UBN1: variants seen among roughly 807,000 people sequenced by gnomAD.
UBN1 encodes the protein ubinuclein 1, also known as ubinuclein-1.
A neutral mutation model predicts 108.5 loss-of-function variants in UBN1; 17 were observed. The ratio of observed to expected loss-of-function variants is 0.16; its 90% CI spans 0.11 to 0.24. The LOEUF is 0.24. Among genes scored for constraint, UBN1 ranks in the 10% least tolerant of loss-of-function variants. UBN1 has a pLI of 1.00. For missense variants in UBN1, 1,595 were observed against 1,394.4 expected (o/e 1.14, Z -2.29); for synonymous variants, 726 against 564.2 (o/e 1.29, Z -4.07).
In UBN1 at chr16:4,870,930, T is replaced by C. The variant is rs758074228; in HGVS notation, c.1517T>C (p.Ile506Thr). Reference sequence around the variant, plus strand: ...GATGAAGAAAAAGGGGGCAGGAGGATAATGGGACCTCGGAAGAAGTTCCAA... The same window carrying C: ...GATGAAGAAAAAGGGGGCAGGAGGACAATGGGACCTCGGAAGAAGTTCCAA... The part of the protein sequence containing the change: ...EEDEEKGGRR[I>T]MGPRKKFQWN... The change falls in exon 11 of 18, where the codon ATA becomes ACA. Residue 506 changes from isoleucine (I) to threonine (T), a missense_variant. Physicochemically the swap from Ile to Thr is moderately conservative, Grantham distance 89. Around this residue, in one of 3 missense-constraint regions of UBN1, gnomAD observed 1,398 missense variants for 1,194.7 expected, o/e 1.17. Transcript: ENST00000262376. 10 of 1,613,968 alleles carry C rather than the reference T, an allele frequency of 6.2e-6. No homozygotes were observed. Among genetic ancestry groups the C allele is most frequent in the East Asian group, 4.5e-5 (2 of 44,882 alleles).
chr16:4,870,037 G>A (rs752656147), intron 8 of UBN1, among the ~76,000 whole-genome samples, 175 bp from the exon 9 acceptor site: 1 of 152,204 alleles, frequency 6.6e-6, no homozygotes, highest in Non-Finnish European at 1.5e-5. Context: ...GGGAGTTGTT[G>A]TTGTTTGTTG....
chr16:4,850,630 T>A (rs2086514205), intron 1 of UBN1, among the ~76,000 whole-genome samples: 3 of 152,242 alleles, frequency 2.0e-5, no homozygotes. Context: ...GCCAGCCTGT[T>A]ACACTGCTAA....
At chr16:4,863,853 G>A (rs998479390) in intron 7 of UBN1, among the ~76,000 whole-genome samples, 1 of 152,122 alleles carries the variant, frequency 6.6e-6, no homozygotes, top group South Asian at 2.1e-4. Context: ...AGGGCTTGGT[G>A]GTCTCAGGGC....
chr16:4,876,020 G>A (rs1334330622), intron 15 of UBN1, among the ~76,000 whole-genome samples: 2 of 150,338 alleles, frequency 1.3e-5, no homozygotes, highest in Admixed American at 6.6e-5. Flanking sequence ...GTGCAGTGGC[G>A]CTATCTCGGC....
intron 7 of UBN1, among the ~76,000 whole-genome samples, chr16:4,861,533 A>G (rs2087063563): frequency 6.6e-6 from 1 of 152,250 alleles, no homozygotes; most frequent in Admixed American, 6.5e-5. Context: ...CGTTGCCACT[A>G]GGTTTCAGTC....
Position 4,847,510 on chromosome 16 carries a change from C to T in UBN1, c.-740C>T, listed in dbSNP as rs2080051061. On this transcript the variant is annotated 5_prime_UTR_variant, in exon 1 of 18. Coordinates refer to ENST00000262376, the MANE Select transcript of UBN1 (RefSeq NM_001079514.3). ...CCTTCCCCCTCCCTTCGGCTCGTGA[C>T]AACGAAGCGCCCGCGGTCTGAGGCG... The T allele has an allele frequency of 5.8e-6, 3 of 520,822 alleles. No individual in the cohort carries two copies. The highest frequency in any genetic ancestry group is 9.9e-6 in the Non-Finnish European group (3 of 303,818). 32.3% of individuals were successfully genotyped at this position (520,822 alleles called of 1,614,324 possible). A position where few individuals can be genotyped will look rare whatever the true frequency, so the allele number is the denominator to read the frequency against.
rs1491221068 is a variant in UBN1 at position 4,877,797 on chromosome 16, TTA to T, written c.3355+324_3355+325del. On this transcript the variant is annotated intron_variant, in intron 17 of 17. Coordinates refer to ENST00000262376, the MANE Select transcript of UBN1 (RefSeq NM_001079514.3). The surrounding 1 kb of genome is among the most constrained non-coding windows in gnomAD (Gnocchi z 4.3). ...CTCGGCTTGTTTTTTTCTCTTCAGT[TTA>T]AAAAAAAAAAAAAAGGGAAGGTAAT... 289 of 1,010,644 alleles carry T rather than the reference TTA, an allele frequency of 2.9e-4. No individual in the cohort carries two copies. The highest frequency in any genetic ancestry group is 9.2e-4 in the Middle Eastern group (2 of 2,170). The allele number at this position is 1,010,644 out of a possible 1,614,324, so 62.6% of individuals were successfully genotyped here.
chr16:4,876,801 T>G, intron 15 of UBN1, 70 bp from the exon 16 acceptor site: 1 of 1,520,464 alleles, frequency 6.6e-7, no homozygotes, highest in African/African-American at 1.4e-5. Flanking sequence ...TCCTTTGTGT[T>G]GCCAGGTTTG....
intron 2 of UBN1, among the ~76,000 whole-genome samples, chr16:4,853,493 G>A (rs1298866506): frequency 6.6e-6 from 1 of 151,418 alleles, no homozygotes; most frequent in Non-Finnish European, 1.5e-5. Flanking sequence ...TCTTCCAACA[G>A]AATCTTGCTG....
chr16:4,858,820 C>A, intron 4 of UBN1, 157 bp downstream of exon 4: 1 of 942,872 alleles, frequency 1.1e-6, no homozygotes. Flanking sequence ...ATTCTTTATC[C>A]GGGTCTTAGT....
chr16:4,852,887 C>T lies in UBN1; in HGVS notation c.-31C>T. The T allele has an allele frequency of 6.3e-7, 1 of 1,594,962 alleles. No individual in the cohort carries two copies. The highest frequency in any genetic ancestry group is 8.6e-7 in the Non-Finnish European group (1 of 1,168,248). ...CTTTTCAATGTTAACAGAAGCCATG[C>T]AGTGACACCCGCTAAGACTTGTTGG... On this transcript the variant is annotated 5_prime_UTR_variant, in exon 2 of 18. An upstream open reading frame in the 5' UTR gains an earlier in-frame stop. Transcript: ENST00000262376.
intron 4 of UBN1, 23 bp downstream of exon 4, chr16:4,858,686 G>A (rs941675662): frequency 3.1e-6 from 5 of 1,609,368 alleles, no homozygotes; most frequent in East Asian, 2.2e-5. Context: ...TGAAAATGCC[G>A]TGTCAGACCC....
rs1449168312 is a variant in UBN1 at position 4,877,667 on chromosome 16, C to G, written c.3355+193C>G. 42 of 1,286,424 alleles carry G rather than the reference C, an allele frequency of 3.3e-5. 1 individual carries two copies. The highest frequency in any genetic ancestry group is 3.8e-5 in the Non-Finnish European group (39 of 1,017,734). 79.7% of individuals were successfully genotyped at this position (1,286,424 alleles called of 1,614,324 possible). ...TCTACTCTTGGGGTTTCCTCTGGTC[C>G]CCACTTGGAGCTGCCGCCAGGTCAG... On this transcript the variant is annotated intron_variant, in intron 17 of 17. Transcript: ENST00000262376. The surrounding 1 kb of genome is among the most constrained non-coding windows in gnomAD (Gnocchi z 4.3).
In UBN1 at chr16:4,875,039, G is replaced by A; in HGVS notation, c.2629G>A (p.Ala877Thr). The change falls in exon 15 of 18, where the codon GCC becomes ACC. Residue 877 changes from alanine (A) to threonine (T), a missense_variant. By Grantham distance (58) the Ala-to-Thr change is moderately conservative. Around this residue, in one of 3 missense-constraint regions of UBN1, gnomAD observed 1,398 missense variants for 1,194.7 expected, o/e 1.17. Coordinates refer to ENST00000262376, the MANE Select transcript of UBN1 (RefSeq NM_001079514.3). ...ASSSSSHKTP[A>T]SSSSALSHPA... ...CAGCAGCAGCTCTCACAAGACCCCA[G>A]CCTCGTCCTCTTCTGCCCTGAGCCA... 1.2e-6 allele frequency: 2 copies of A among 1,613,958 alleles called. No homozygotes were observed. Among genetic ancestry groups the A allele is most frequent in the Non-Finnish European group, 1.7e-6 (2 of 1,180,024 alleles).
At chr16:4,867,596 A>G (rs928379909) in intron 7 of UBN1, among the ~76,000 whole-genome samples, 12 of 152,108 alleles carry the variant, frequency 7.9e-5, no homozygotes, top group Non-Finnish European at 1.8e-4. Flanking sequence ...TGAGTGTACA[A>G]TTGTCTGTGT....
At chr16:4,880,016 ACTACT>A in intron 17 of UBN1, 62 bp from the exon 18 acceptor site, 1 of 1,568,946 alleles carries the variant, frequency 6.4e-7, no homozygotes, top group South Asian at 1.1e-5. Flanking sequence ...AAGTTTGGTT[ACTACT>A]GCCTTAAGGA....
chr16:4,858,897 C>T (rs746547615), intron 4 of UBN1, 128 bp from the exon 5 acceptor site: 3 of 1,267,932 alleles, frequency 2.4e-6, no homozygotes, highest in Non-Finnish European at 3.3e-6. Flanking sequence ...TCATGTTTGA[C>T]CAGAGGATGT....
At chr16:4,854,646 G>C (rs375792693) in intron 2 of UBN1, among the ~76,000 whole-genome samples, 2 of 151,494 alleles carry the variant, frequency 1.3e-5, no homozygotes, top group Admixed American at 6.6e-5. Context: ...GATTATAGGC[G>C]TGAGTCACCG....
intron 8 of UBN1, among the ~76,000 whole-genome samples, 179 bp from the exon 9 acceptor site, chr16:4,870,030 AGTT>A (rs756721553): frequency 1.5e-4 from 23 of 152,204 alleles, no homozygotes; most frequent in South Asian, 6.2e-4. Context: ...CAGGCTTGGG[AGTT>A]GTTGTTGTTT....
Sources: allele counts gnomAD v4.1 joint callset (sites outside exome capture counted in the v4.1 genomes callset), GRCh38; gene constraint gnomAD v4.1.1; regional missense constraint gnomAD v4.1.1; non-coding constraint Gnocchi (gnomAD v3.1); transcripts MANE v1.5; gene names NCBI Gene and HGNC (gene_info 2026-07-23, HGNC 2026-07-21).